FAM120B: variants seen among roughly 807,000 people sequenced by gnomAD.
The protein encoded by FAM120B is constitutive coactivator of peroxisome proliferator-activated receptor gamma.
FAM120B carries 83 observed loss-of-function variants against 96.3 expected under a neutral mutation model. That is an observed-to-expected ratio of 0.86 (90% CI 0.72 to 1.03). FAM120B has a LOEUF of 1.03. FAM120B is among the 50% of genes least tolerant of loss of function. The probability of loss-of-function intolerance (pLI) is 0.00; values close to 1 mark genes in which losing one functional copy is unlikely to be tolerated. For missense variants in FAM120B, 1,027 were observed against 1,121.2 expected (o/e 0.92, Z 1.20); for synonymous variants, 407 against 402.7 (o/e 1.01, Z -0.13).
intron 6 of FAM120B, among the ~76,000 whole-genome samples, chr6:170,380,337 T>TA (rs1789830440): frequency 6.6e-6 from 1 of 152,350 alleles, no homozygotes; most frequent in East Asian, 1.9e-4. Context: ...CTCATCAACA[T>TA]ACTGATTTCA....
chr6:170,346,803 A>G (rs1427439088), intron 4 of FAM120B, among the ~76,000 whole-genome samples: 1 of 151,886 alleles, frequency 6.6e-6, no homozygotes, highest in East Asian at 1.9e-4. Flanking sequence ...GTTTGTCCCG[A>G]GACTGCACAC....
At chr6:170,299,066 A>G (rs932066401) in intron 1 of FAM120B, among the ~76,000 whole-genome samples, 2 of 152,248 alleles carry the variant, frequency 1.3e-5, no homozygotes, top group African/African-American at 4.8e-5. Flanking sequence ...GAGTTGGGGA[A>G]GACTTTCTTG....
chr6:170,404,217 A>G (rs1778719249), intron 9 of FAM120B: 2 of 259,152 alleles, frequency 7.7e-6, no homozygotes, highest in East Asian at 1.7e-4. Context: ...CAGAACGTCC[A>G]TGGTGAGCCA....
chr6:170,343,535 C>G (rs1043624778), intron 4 of FAM120B, among the ~76,000 whole-genome samples: 1 of 152,030 alleles, frequency 6.6e-6, no homozygotes, highest in Non-Finnish European at 1.5e-5. Context: ...TTTTCCTACT[C>G]TGGTGATTTT....
intron 6 of FAM120B, among the ~76,000 whole-genome samples, chr6:170,375,986 A>T (rs189843012): frequency 6.6e-6 from 1 of 152,330 alleles, no homozygotes; most frequent in East Asian, 1.9e-4. Context: ...GGCCCTAAAA[A>T]GGCCAGAGAA....
intron 6 of FAM120B, among the ~76,000 whole-genome samples, chr6:170,376,392 A>T (rs1265238504): frequency 1.3e-5 from 2 of 151,742 alleles, no homozygotes; most frequent in African/African-American, 4.8e-5. Flanking sequence ...TAGTGTGATA[A>T]GGACAGTAAG....
intron 6 of FAM120B, among the ~76,000 whole-genome samples, chr6:170,377,003 T>C (rs77609616): frequency 0.063 from 6,212 of 97,874 alleles, 389 homozygotes; most frequent in East Asian, 0.22. Flanking sequence ...CCCAGACGCC[T>C]GGGAGAACAC....
intron 4 of FAM120B, among the ~76,000 whole-genome samples, chr6:170,346,756 T>C (rs1412117576): frequency 2.0e-5 from 3 of 152,156 alleles, no homozygotes; most frequent in Non-Finnish European, 4.4e-5. Flanking sequence ...AAAGCCCTTC[T>C]TAGTTCATGG....
chr6:170,400,851 C>T (rs1232247117), intron 9 of FAM120B, among the ~76,000 whole-genome samples: 1 of 152,178 alleles, frequency 6.6e-6, no homozygotes, highest in Non-Finnish European at 1.5e-5. Context: ...GGGAGCAGAG[C>T]CATCTGCTTC....
intron 4 of FAM120B, chr6:170,330,851 C>T (rs983710182): frequency 2.5e-5 from 8 of 322,862 alleles, no homozygotes; most frequent in Non-Finnish European, 4.0e-5. Flanking sequence ...CCGTGGTCAG[C>T]GCATGTTGCT....
intron 6 of FAM120B, among the ~76,000 whole-genome samples, chr6:170,371,390 A>C (rs182043908): frequency 6.6e-6 from 1 of 152,264 alleles, no homozygotes; most frequent in East Asian, 1.9e-4. Flanking sequence ...TGGCCCTGTG[A>C]ATAATGCTGC....
upstream of FAM120B, among the ~76,000 whole-genome samples, chr6:170,304,088 T>C (rs921958069): frequency 1.3e-5 from 2 of 152,220 alleles, no homozygotes; most frequent in Non-Finnish European, 2.9e-5. Flanking sequence ...AATATTATCC[T>C]CTTTCTTGGC....
At chr6:170,400,666 G>A (rs749758681) in intron 9 of FAM120B, among the ~76,000 whole-genome samples, 1 of 152,178 alleles carries the variant, frequency 6.6e-6, no homozygotes, top group Non-Finnish European at 1.5e-5. Flanking sequence ...CCAAAACCAA[G>A]TTTTTCCTTT....
At chr6:170,294,340 C>T (rs577038469), upstream of FAM120B, among the ~76,000 whole-genome samples, 3 of 152,190 alleles carry the variant, frequency 2.0e-5, no homozygotes, top group Non-Finnish European at 4.4e-5. This position sits in a 1 kb window ranked among gnomAD's most constrained non-coding sequence, Gnocchi z 7.9. Context: ...ACATCAGACA[C>T]AGAAGTGGAA....
intron 6 of FAM120B, among the ~76,000 whole-genome samples, chr6:170,360,248 G>A (rs1020816983): frequency 2.6e-5 from 4 of 152,246 alleles, no homozygotes; most frequent in Non-Finnish European, 1.5e-5. Context: ...CATACGGCAA[G>A]TAACCAAACT....
intron 1 of FAM120B, among the ~76,000 whole-genome samples, chr6:170,307,714 A>G (rs1168489163): frequency 6.6e-6 from 1 of 152,226 alleles, no homozygotes; most frequent in African/African-American, 2.4e-5. Flanking sequence ...TGATGTGATC[A>G]GATCTTAGCG....
chr6:170,290,902 G>A, upstream of FAM120B: 1 of 694,348 alleles, frequency 1.4e-6, no homozygotes, highest in Non-Finnish European at 2.6e-6. This position sits in a 1 kb window ranked among gnomAD's most constrained non-coding sequence, Gnocchi z 4.7. Flanking sequence ...GCCGGGTCGG[G>A]TCTCCGCGGG....
chr6:170,404,502 T>G, intron 9 of FAM120B, 48 bp from the exon 10 acceptor site: 14 of 1,539,020 alleles, frequency 9.1e-6, no homozygotes, highest in Non-Finnish European at 1.3e-5. Flanking sequence ...GTTTGTGTAT[T>G]GAGAGAGATT....
intron 6 of FAM120B, among the ~76,000 whole-genome samples, chr6:170,373,900 C>A (rs1789354579): frequency 6.6e-6 from 1 of 152,186 alleles, no homozygotes; most frequent in Admixed American, 6.5e-5. Flanking sequence ...TACCAAATCA[C>A]AGAATATGCA....
Sources: gnomAD v4.1 joint callset for allele counts (sites outside exome capture counted in the v4.1 genomes callset) on GRCh38, gnomAD v4.1.1 for gene constraint, Gnocchi (gnomAD v3.1) non-coding constraint, MANE v1.5 for transcripts, NCBI Gene and HGNC (gene_info 2026-07-23, HGNC 2026-07-21) for gene names.